The following RBM33 variants were observed in gnomAD, a reference collection of about 807,000 sequenced individuals.
The protein encoded by RBM33 is RNA-binding protein 33.
A neutral mutation model predicts 132.6 loss-of-function variants in RBM33; 28 were observed. The ratio of observed to expected loss-of-function variants is 0.21; its 90% CI spans 0.16 to 0.29. The LOEUF (loss-of-function observed/expected upper bound fraction) is 0.29. Among genes scored for constraint, RBM33 ranks in the 10% least tolerant of loss-of-function variants. RBM33 has a pLI of 1.00. For missense variants in RBM33, 1,291 were observed against 1,518.5 expected (o/e 0.85, Z 2.49); for synonymous variants, 634 against 593.0 (o/e 1.07, Z -1.01).
chr7:155,644,736 C>G lies in RBM33; in HGVS notation c.-141C>G. 2 of 642,612 alleles carry G rather than the reference C, an allele frequency of 3.1e-6. No homozygotes were observed. The highest frequency in any genetic ancestry group is 4.7e-5 in the South Asian group (2 of 42,390). The allele number at this position is 642,612 out of a possible 1,614,324, so 39.8% of individuals were successfully genotyped here. On this transcript the variant is annotated 5_prime_UTR_variant, in exon 1 of 18. Transcript: ENST00000401878. ...GAGGCGAAGGGCCAGCTGTGGACCG[C>G]GAAGCGCCCGGCTTCGCCTCTGCCT...
At chr7:155,771,570 GTAGATTACAA>G (rs1212790574) in intron 16 of RBM33, among the ~76,000 whole-genome samples, 4 of 152,096 alleles carry the variant, frequency 2.6e-5, no homozygotes, top group Admixed American at 6.6e-5. Flanking sequence ...TTTAAGCTAC[GTAGATTACAA>G]GTAAAACCTG....
At chr7:155,649,223 C>G (rs968176587) in intron 1 of RBM33, among the ~76,000 whole-genome samples, 2 of 152,092 alleles carry the variant, frequency 1.3e-5, no homozygotes, top group African/African-American at 2.4e-5. Context: ...TTTCCTGTTT[C>G]CTCACCTATA....
intron 14 of RBM33, among the ~76,000 whole-genome samples, chr7:155,753,124 A>G (rs1338490887): frequency 6.6e-6 from 1 of 152,220 alleles, no homozygotes; most frequent in Non-Finnish European, 1.5e-5. Context: ...TTTCCCCAGT[A>G]CTTCTGATGA....
At chr7:155,736,112 G>C (rs763073945) in intron 9 of RBM33, among the ~76,000 whole-genome samples, 1 of 152,202 alleles carries the variant, frequency 6.6e-6, no homozygotes, top group African/African-American at 2.4e-5. Flanking sequence ...TTAAGGGTTT[G>C]TGGTGTTTAT....
chr7:155,673,712 GTA>G lies in RBM33; in HGVS notation c.171+806_171+807del, dbSNP rs543737625. ...TACACACATATATACATACACACGT[GTA>G]TATATATACACACACATATATACAT... On this transcript the variant is annotated intron_variant, in intron 3 of 17. Transcript: ENST00000401878. Among the ~76,000 whole-genome samples the G allele has an allele frequency of 2.1e-3, 271 of 129,972 alleles. 14 individuals are homozygous for G. In the Middle Eastern group the frequency reaches 0.023, roughly 11 times the overall value. The allele number at this position is 129,972 out of a possible 152,430, so 85.3% of individuals were successfully genotyped here.
chr7:155,673,073 T>C (rs953192960), intron 3 of RBM33, among the ~76,000 whole-genome samples, 158 bp downstream of exon 3: 5 of 152,232 alleles, frequency 3.3e-5, no homozygotes, highest in African/African-American at 1.2e-4. Flanking sequence ...GGGAATTGAC[T>C]GTTTATTAGT....
At position 155,679,377 on chromosome 7, in the gene RBM33, T is replaced by C. The variant is rs143529446; in HGVS notation, c.248+693T>C. 1.4e-4 allele frequency among the ~76,000 whole-genome samples: 22 copies of C among 152,328 alleles called. 1 individual carries two copies. In the South Asian group the frequency reaches 2.3e-3, roughly 16 times the overall value. On this transcript the variant is annotated intron_variant, in intron 4 of 17. Transcript: ENST00000401878. Reference sequence around the variant, plus strand: ...CTGCATTTGTCTTCATTTTAGCCAGTTGATTTAGATCATTTACTGAATTAC... The same window carrying C: ...CTGCATTTGTCTTCATTTTAGCCAGCTGATTTAGATCATTTACTGAATTAC...
intron 7 of RBM33, 73 bp downstream of exon 7, chr7:155,707,141 G>GTA (rs1315425878): frequency 8.1e-7 from 1 of 1,235,816 alleles, no homozygotes; most frequent in Non-Finnish European, 1.2e-6. Flanking sequence ...GGGTATCCTA[G>GTA]TATACATTTC....
At chr7:155,739,362 G>A (rs773354271) in intron 11 of RBM33, 21 of 177,908 alleles carry the variant, frequency 1.2e-4, no homozygotes, top group Non-Finnish European at 1.8e-4. Flanking sequence ...TGCTGTATGC[G>A]GTTCCCTTTC....
At chr7:155,679,959 C>A (rs572275384) in intron 4 of RBM33, among the ~76,000 whole-genome samples, 136 of 152,094 alleles carry the variant, frequency 8.9e-4, no homozygotes, top group African/African-American at 3.2e-3. Flanking sequence ...AGTTTCAAAA[C>A]CTTTGTTATT....
intron 14 of RBM33, among the ~76,000 whole-genome samples, chr7:155,761,330 G>A (rs560261090): frequency 2.6e-5 from 4 of 152,332 alleles, no homozygotes; most frequent in East Asian, 1.9e-4. Context: ...CAAAGAATGA[G>A]TGGGGAAGTG....
rs140394152 is a variant in RBM33 at position 155,738,718 on chromosome 7, TGA to T, written c.1737+319_1737+320del. 1.5e-3 allele frequency: 440 copies of T among 298,872 alleles called. 4 individuals carry two copies. The highest frequency in any genetic ancestry group is 9.2e-3 in the African/African-American group (418 of 45,676). The allele number at this position is 298,872 out of a possible 1,614,324, so 18.5% of individuals were successfully genotyped here. A position where few individuals can be genotyped will look rare whatever the true frequency, so the allele number is the denominator to read the frequency against. ...ATTTGCTCATCTGTATAAAATTTCA[TGA>T]GAGGTTTACCAGTGGAAATACTTTG... On this transcript the variant is annotated intron_variant, in intron 11 of 17. Coordinates refer to ENST00000401878, the MANE Select transcript of RBM33 (RefSeq NM_053043.3).
chr7:155,644,906 A>T lies in RBM33; in HGVS notation c.30A>T (p.Gly10=), dbSNP rs1209381062. 1 of 1,499,728 alleles carries T rather than the reference A, an allele frequency of 6.7e-7. No homozygotes were observed. Among genetic ancestry groups the T allele is most frequent in the Admixed American group, 2.1e-5 (1 of 47,168 alleles). 92.9% of individuals were successfully genotyped at this position (1,499,728 alleles called of 1,614,324 possible). ...CGGCCGCCCTGGGAGCGAGCGGAGGAGCAGGCGCCGGAGGTACGTGAGGCA... is the reference window on the plus strand; with the variant it reads ...CGGCCGCCCTGGGAGCGAGCGGAGGTGCAGGCGCCGGAGGTACGTGAGGCA... MAAALGASG[G]AGAGDDDFDQ... is the part of the protein sequence containing the mutation. Residue 10 remains glycine (G), a synonymous_variant, in exon 1 of 18, where the codon GGA becomes GGT. Transcript: ENST00000401878.
intron 1 of RBM33, among the ~76,000 whole-genome samples, chr7:155,659,808 A>G (rs1459753373): frequency 1.3e-5 from 2 of 152,252 alleles, no homozygotes; most frequent in Non-Finnish European, 2.9e-5. Flanking sequence ...CCGGAAGTCC[A>G]TATTAATGTA....
intron 7 of RBM33, chr7:155,707,425 A>G (rs752000472): frequency 2.5e-6 from 1 of 407,862 alleles, no homozygotes; most frequent in East Asian, 7.2e-5. Context: ...TTACAGATAG[A>G]ATTTAGGCAG....
At chr7:155,710,265 T>C (rs551246732) in intron 7 of RBM33, among the ~76,000 whole-genome samples, 1 of 152,346 alleles carries the variant, frequency 6.6e-6, no homozygotes, top group Admixed American at 6.5e-5. Flanking sequence ...GCAAAACCTG[T>C]GGAATCAGAT....
rs140987060 is a variant in RBM33 at position 155,725,256 on chromosome 7, T to G, written c.1260+6813T>G. On this transcript the variant is annotated intron_variant, in intron 9 of 17. Transcript: ENST00000401878. Reference sequence around the variant, plus strand: ...GGAAGTACGGTATTCATAGAGCATATATGGTTGAAAATCAGTAATGAATAA... The same window carrying G: ...GGAAGTACGGTATTCATAGAGCATAGATGGTTGAAAATCAGTAATGAATAA... 4.4e-3 allele frequency among the ~76,000 whole-genome samples: 650 copies of G among 147,550 alleles called. 8 individuals carry two copies. The highest frequency in any genetic ancestry group is 0.015 in the African/African-American group (609 of 39,856).
At chr7:155,721,645 G>A (rs1800630739) in intron 9 of RBM33, among the ~76,000 whole-genome samples, 1 of 141,540 alleles carries the variant, frequency 7.1e-6, no homozygotes, top group South Asian at 2.2e-4. Flanking sequence ...CAGAAATTTT[G>A]CTGAGTTATA....
chr7:155,771,357 C>T (rs1213433211), intron 16 of RBM33, among the ~76,000 whole-genome samples: 1 of 152,112 alleles, frequency 6.6e-6, no homozygotes, highest in African/African-American at 2.4e-5. Flanking sequence ...ACAATTTCTA[C>T]AATTTTGTAT....
Sources: allele counts gnomAD v4.1 joint callset (sites outside exome capture counted in the v4.1 genomes callset), GRCh38; gene constraint gnomAD v4.1.1; transcripts MANE v1.5; gene names NCBI Gene and HGNC (gene_info 2026-07-23, HGNC 2026-07-21).